Variants in PIK3R3 observed in about 807,000 individuals in gnomAD.
PIK3R3 encodes phosphoinositide-3-kinase regulatory subunit 3.
A neutral mutation model predicts 62.9 loss-of-function variants in PIK3R3; 64 were observed. The observed-to-expected ratio is 1.02, with a 90% CI of 0.83 to 1.25. The LOEUF (loss-of-function observed/expected upper bound fraction) is 1.25. Ranked by LOEUF, PIK3R3 falls within the 50% of genes most tolerant of loss-of-function variation. The probability of loss-of-function intolerance (pLI) is 0.00; values close to 1 mark genes in which losing one functional copy is unlikely to be tolerated. For missense variants in PIK3R3, 614 were observed against 561.6 expected (o/e 1.09, Z -0.94); for synonymous variants, 165 against 189.0 (o/e 0.87, Z 1.04).
intron 3 of PIK3R3, among the ~76,000 whole-genome samples, chr1:46,073,583 T>G (rs556402562): frequency 1.3e-5 from 2 of 152,224 alleles, no homozygotes; most frequent in South Asian, 4.2e-4. Flanking sequence ...AGGCCATCTT[T>G]TCATCCATGT....
intron 1 of PIK3R3, among the ~76,000 whole-genome samples, chr1:46,101,288 G>A (rs559774908): frequency 6.6e-6 from 1 of 152,162 alleles, no homozygotes; most frequent in African/African-American, 2.4e-5. Flanking sequence ...AAGGTCAAGA[G>A]ATGGAGACCA....
intron 1 of PIK3R3, among the ~76,000 whole-genome samples, chr1:46,092,260 C>A (rs1011395341): frequency 6.6e-6 from 1 of 152,204 alleles, no homozygotes; most frequent in Non-Finnish European, 1.5e-5. Context: ...GAGACCTGGG[C>A]AACTATGTTT....
intron 2 of PIK3R3, among the ~76,000 whole-genome samples, chr1:46,078,650 C>T (rs1026641460): frequency 1.3e-5 from 2 of 151,966 alleles, no homozygotes; most frequent in African/African-American, 4.8e-5. Flanking sequence ...GGTATATACC[C>T]AAAATAACTG....
chr1:46,053,637 G>C (rs1401872535), intron 7 of PIK3R3, among the ~76,000 whole-genome samples: 2 of 152,132 alleles, frequency 1.3e-5, no homozygotes, highest in South Asian at 2.1e-4. Flanking sequence ...CCCCTCACCA[G>C]ACACCAAATC....
chr1:46,121,573 T>C (rs564618212), intron 1 of PIK3R3, among the ~76,000 whole-genome samples: 40 of 152,198 alleles, frequency 2.6e-4, no homozygotes, highest in South Asian at 1.0e-3. Flanking sequence ...GGTGGGAGGA[T>C]TGCTTGAGCC....
At chr1:46,081,163 T>A (rs192640658) in intron 1 of PIK3R3, among the ~76,000 whole-genome samples, 149 of 152,172 alleles carry the variant, frequency 9.8e-4, no homozygotes, top group African/African-American at 3.0e-3. Flanking sequence ...AAAAAAAGGG[T>A]AACTATGAAA....
chr1:46,062,168 G>A (rs1648562787), intron 5 of PIK3R3, 97 bp from the exon 6 acceptor site: 2 of 995,026 alleles, frequency 2.0e-6, no homozygotes, highest in Non-Finnish European at 2.9e-6. Flanking sequence ...AGTTATTAAT[G>A]TAATCCCATA....
At chr1:46,078,884 T>G (rs1650319369) in intron 2 of PIK3R3, among the ~76,000 whole-genome samples, 1 of 152,152 alleles carries the variant, frequency 6.6e-6, no homozygotes, top group African/African-American at 2.4e-5. Flanking sequence ...AAAAGTACAA[T>G]TATTATATGA....
At chr1:46,095,564 T>C (rs542964906) in intron 1 of PIK3R3, among the ~76,000 whole-genome samples, 1 of 152,270 alleles carries the variant, frequency 6.6e-6, no homozygotes, top group South Asian at 2.1e-4. Flanking sequence ...CTGGGCTTAA[T>C]ACCTAGGTGA....
chr1:46,103,889 C>T (rs910735680), intron 1 of PIK3R3, among the ~76,000 whole-genome samples: 7 of 151,668 alleles, frequency 4.6e-5, no homozygotes, highest in African/African-American at 1.2e-4. Flanking sequence ...CCACCACGCC[C>T]GGCCATGATG....
In PIK3R3 at chr1:46,043,889, A is replaced by G; in HGVS notation, c.1188-18T>C. 1 of 1,602,132 alleles carries G rather than the reference A, an allele frequency of 6.2e-7. No individual in the cohort carries two copies. Among genetic ancestry groups the G allele is most frequent in the Non-Finnish European group, 8.5e-7 (1 of 1,171,774 alleles). ...CATCGGCCCTGCAATGACAAACCAC[A>G]GAAGAAATGTTAAGGTAGGTAACAA... On this transcript the variant is annotated intron_variant, in intron 9 of 9. Coordinates refer to ENST00000262741, the MANE Select transcript of PIK3R3 (RefSeq NM_003629.4).
chr1:46,093,076 A>G (rs1651793284), intron 1 of PIK3R3, among the ~76,000 whole-genome samples: 1 of 152,208 alleles, frequency 6.6e-6, no homozygotes, highest in South Asian at 2.1e-4. Flanking sequence ...ACTATAAGCT[A>G]CTTCAAAATC....
intron 1 of PIK3R3, among the ~76,000 whole-genome samples, chr1:46,086,520 T>G (rs2149421587): frequency 6.6e-6 from 1 of 152,068 alleles, no homozygotes; most frequent in Middle Eastern, 3.4e-3. Flanking sequence ...GCCAACACGG[T>G]GAAACCCTGT....
intron 4 of PIK3R3, 37 bp downstream of exon 4, chr1:46,066,874 C>T: frequency 6.7e-7 from 1 of 1,498,474 alleles, no homozygotes; most frequent in South Asian, 1.1e-5. Context: ...TAAATAATCA[C>T]TTGCTCAATA....
intron 7 of PIK3R3, 47 bp from the exon 8 acceptor site, chr1:46,046,672 T>C (rs1270076138): frequency 7.5e-7 from 1 of 1,327,196 alleles, no homozygotes; most frequent in South Asian, 1.2e-5. Flanking sequence ...AAACTCTGAC[T>C]GGACAAAGTA....
At chr1:46,048,935 G>A (rs199879008) in intron 7 of PIK3R3, among the ~76,000 whole-genome samples, 8 of 152,042 alleles carry the variant, frequency 5.3e-5, no homozygotes, top group East Asian at 3.8e-4. Flanking sequence ...TAGTAAATAC[G>A]TTAATTCACA....
At chr1:46,072,322 G>C (rs1649611822) in intron 3 of PIK3R3, among the ~76,000 whole-genome samples, 2 of 152,174 alleles carry the variant, frequency 1.3e-5, no homozygotes, top group Non-Finnish European at 2.9e-5. Flanking sequence ...ATTGAATTAA[G>C]ATCATCACTC....
chr1:46,107,525 A>T (rs2149449812), intron 1 of PIK3R3, among the ~76,000 whole-genome samples: 1 of 152,332 alleles, frequency 6.6e-6, no homozygotes, highest in East Asian at 1.9e-4. Flanking sequence ...ACTGCACTCC[A>T]GCCTGGGTGA....
chr1:46,075,647 T>G (rs1650002309), intron 3 of PIK3R3, among the ~76,000 whole-genome samples: 1 of 151,892 alleles, frequency 6.6e-6, no homozygotes, highest in African/African-American at 2.4e-5. Context: ...TACCTTCCTC[T>G]AGAATCATTC....
Sources: allele counts gnomAD v4.1 joint callset (sites outside exome capture counted in the v4.1 genomes callset), GRCh38; gene constraint gnomAD v4.1.1; transcripts MANE v1.5; gene names NCBI Gene and HGNC (gene_info 2026-07-23, HGNC 2026-07-21).